EPHA5: variants seen among roughly 807,000 people sequenced by gnomAD.
EPHA5 encodes the protein ephrin type-A receptor 5.
A neutral mutation model predicts 105.0 loss-of-function variants in EPHA5; 60 were observed. That is an observed-to-expected ratio of 0.57 (90% CI 0.46 to 0.71). EPHA5 has a LOEUF of 0.71. Ranked by LOEUF, EPHA5 falls within the 30% of genes least tolerant of loss-of-function variation. EPHA5 has a pLI of 0.00. For synonymous variants in EPHA5, 513 were observed against 449.1 expected (o/e 1.14, Z -1.80); for missense variants, 1,218 against 1,274.7 (o/e 0.96, Z 0.68).
intron 1 of EPHA5, among the ~76,000 whole-genome samples, chr4:65,668,254 A>G (rs747433222): frequency 1.1e-4 from 16 of 152,242 alleles, no homozygotes; most frequent in Non-Finnish European, 2.2e-4. Flanking sequence ...GCCTTCTCCT[A>G]CAGCGGAGAC....
At chr4:65,669,518 C>T (rs896998111) in intron 1 of EPHA5, 44 bp downstream of exon 1, 7 of 1,332,078 alleles carry the variant, frequency 5.3e-6, no homozygotes, top group East Asian at 2.9e-5. Context: ...CCCGCCTAGC[C>T]CCTCCGCCCC....
intron 5 of EPHA5, among the ~76,000 whole-genome samples, chr4:65,463,944 A>C (rs1351565798): frequency 6.6e-6 from 1 of 152,040 alleles, no homozygotes; most frequent in East Asian, 1.9e-4. Flanking sequence ...CTTAAAATCT[A>C]TCTAAAAATT....
chr4:65,447,418 G>T, intron 5 of EPHA5, among the ~76,000 whole-genome samples: 1 of 151,396 alleles, frequency 6.6e-6, no homozygotes, highest in Non-Finnish European at 1.5e-5. Context: ...CTGAAAAGAG[G>T]ATTTGGGGCC....
chr4:65,592,720 C>A (rs1372097986), intron 3 of EPHA5, among the ~76,000 whole-genome samples: 4 of 152,074 alleles, frequency 2.6e-5, no homozygotes, highest in African/African-American at 9.7e-5. Flanking sequence ...AATGTTACAA[C>A]ACGTCTCAAT....
rs1461454703 is a variant in EPHA5 at position 65,322,395 on chromosome 4, G to C, written c.*1719C>G. On this transcript the variant is annotated 3_prime_UTR_variant, in exon 17 of 17. Coordinates refer to ENST00000613740, the MANE Select transcript of EPHA5 (RefSeq NM_001281766.3). ...ATTAATATAACGTGGCTATATTTCT[G>C]ATAAATTTCATTAATCCAGGCTTCT... 3 of 225,102 alleles carry C rather than the reference G, an allele frequency of 1.3e-5. No homozygotes were observed. The highest frequency in any genetic ancestry group is 6.7e-5 in the African/African-American group (3 of 44,846). 13.9% of individuals were successfully genotyped at this position (225,102 alleles called of 1,614,324 possible). A position where few individuals can be genotyped will look rare whatever the true frequency, so the allele number is the denominator to read the frequency against.
chr4:65,407,880 C>T lies in EPHA5; in HGVS notation c.1688-3401G>A, dbSNP rs896677855. 1.4e-4 allele frequency among the ~76,000 whole-genome samples: 22 copies of T among 151,922 alleles called. No individual in the cohort carries two copies. In the South Asian group the frequency reaches 3.5e-3, roughly 24 times the overall value. Reference sequence around the variant, plus strand: ...ATGTGATCCTCCCACCTCAACCTTCCGAGTAGCTGGGACTACAGGCCTGCA... The same window carrying T: ...ATGTGATCCTCCCACCTCAACCTTCTGAGTAGCTGGGACTACAGGCCTGCA... On this transcript the variant is annotated intron_variant, in intron 7 of 16. Coordinates refer to ENST00000613740, the MANE Select transcript of EPHA5 (RefSeq NM_001281766.3).
chr4:65,386,057 C>T (rs372477282), intron 8 of EPHA5, among the ~76,000 whole-genome samples: 4 of 151,884 alleles, frequency 2.6e-5, no homozygotes, highest in East Asian at 1.9e-4. Flanking sequence ...TAAATCCCCA[C>T]GTACACAAAA....
intron 14 of EPHA5, among the ~76,000 whole-genome samples, chr4:65,338,018 A>G (rs1721346251): frequency 6.6e-6 from 1 of 152,058 alleles, no homozygotes; most frequent in Non-Finnish European, 1.5e-5. Flanking sequence ...GTTTTCAGTA[A>G]TTATAACATA....
At chr4:65,553,216 G>C (rs776734046) in intron 3 of EPHA5, among the ~76,000 whole-genome samples, 7 of 152,060 alleles carry the variant, frequency 4.6e-5, no homozygotes, top group Non-Finnish European at 8.8e-5. Flanking sequence ...CTCATAGAAA[G>C]AAGAAACTCA....
In EPHA5 at chr4:65,496,524, C is replaced by T. The variant is rs569024149; in HGVS notation, c.911-981G>A. 4.1e-3 allele frequency among the ~76,000 whole-genome samples: 626 copies of T among 151,522 alleles called. 5 individuals are homozygous for T. Among genetic ancestry groups the T allele is most frequent in the Non-Finnish European group, 5.0e-3 (341 of 67,918 alleles). Reference sequence around the variant, plus strand: ...GATAGTTTACTGAGAATGATGATTTCCAATTTCATCCATGTCCCTACAAAG... The same window carrying T: ...GATAGTTTACTGAGAATGATGATTTTCAATTTCATCCATGTCCCTACAAAG... On this transcript the variant is annotated intron_variant, in intron 3 of 16. Coordinates refer to ENST00000613740, the MANE Select transcript of EPHA5 (RefSeq NM_001281766.3).
chr4:65,576,065 A>AAGC (rs1740951527), intron 3 of EPHA5, among the ~76,000 whole-genome samples: 1 of 55,404 alleles, frequency 1.8e-5, no homozygotes, highest in Non-Finnish European at 3.5e-5. Flanking sequence ...AAAGAAAAGA[A>AAGC]AAGAAAAGAA....
chr4:65,380,213 C>G (rs1351210230), intron 8 of EPHA5, among the ~76,000 whole-genome samples: 1 of 151,774 alleles, frequency 6.6e-6, no homozygotes, highest in African/African-American at 2.4e-5. Flanking sequence ...GCAGCTATAA[C>G]AAGATTGTTT....
intron 5 of EPHA5, among the ~76,000 whole-genome samples, chr4:65,450,682 A>C (rs527822940): frequency 6.6e-6 from 1 of 152,346 alleles, no homozygotes; most frequent in African/African-American, 2.4e-5. Flanking sequence ...GGATTAAAAA[A>C]TAAAAGTGAC....
chr4:65,622,741 T>A (rs1443437766), intron 2 of EPHA5, among the ~76,000 whole-genome samples: 1 of 152,074 alleles, frequency 6.6e-6, no homozygotes, highest in Non-Finnish European at 1.5e-5. Flanking sequence ...ATGAGGAACA[T>A]AACTCCTGTA....
At chr4:65,633,003 G>A (rs1049233322) in intron 2 of EPHA5, among the ~76,000 whole-genome samples, 2 of 151,998 alleles carry the variant, frequency 1.3e-5, no homozygotes, top group Non-Finnish European at 2.9e-5. Flanking sequence ...GGAAAGTATT[G>A]GGGGATATAG....
At chr4:65,441,623 A>G (rs114332667) in intron 5 of EPHA5, among the ~76,000 whole-genome samples, 2,449 of 152,284 alleles carry the variant, frequency 0.016, 29 homozygotes, top group Non-Finnish European at 0.027. Flanking sequence ...AGAACAAATT[A>G]TGGTGTATCC....
intron 10 of EPHA5, 53 bp from the exon 11 acceptor site, chr4:65,365,255 TTAACACTTGTATGCCC>T (rs1717756393): frequency 6.8e-7 from 1 of 1,475,298 alleles, no homozygotes; most frequent in Non-Finnish European, 9.4e-7. Flanking sequence ...TGTTAGTCTA[TTAACACTTGTATGCCC>T]TCTTAGACTA....
intron 5 of EPHA5, among the ~76,000 whole-genome samples, chr4:65,476,311 A>G (rs1026843557): frequency 4.6e-5 from 7 of 152,166 alleles, no homozygotes; most frequent in African/African-American, 1.7e-4. Context: ...AAATAACACA[A>G]TACACAAAAT....
chr4:65,521,287 C>G (rs546023431), intron 3 of EPHA5, among the ~76,000 whole-genome samples: 11 of 152,150 alleles, frequency 7.2e-5, no homozygotes, highest in African/African-American at 1.7e-4. Context: ...AAAAACCAAA[C>G]ACAGCATGTT....
Sources: allele counts gnomAD v4.1 joint callset (sites outside exome capture counted in the v4.1 genomes callset), GRCh38; gene constraint gnomAD v4.1.1; transcripts MANE v1.5; gene names NCBI Gene and HGNC (gene_info 2026-07-23, HGNC 2026-07-21).